Variants in NXPE2 observed in about 807,000 individuals in gnomAD.
NXPE2 encodes NXPE family member 2.
NXPE2 carries 34 observed loss-of-function variants against 34.4 expected under a neutral mutation model. The observed-to-expected ratio is 0.99, with a 90% CI of 0.75 to 1.31. NXPE2 has a LOEUF of 1.31. NXPE2 is among the 40% of genes most tolerant of loss of function. NXPE2 has a pLI of 0.00. For missense variants in NXPE2, 649 were observed against 672.5 expected (o/e 0.97, Z 0.39); for synonymous variants, 235 against 231.3 (o/e 1.02, Z -0.15).
At chr11:114,464,863 A>C in the NXPE2 span, among the ~76,000 whole-genome samples, 1 of 152,196 alleles carries the variant, frequency 6.6e-6, no homozygotes, top group Admixed American at 6.5e-5. Context: ...AAAACGAAAA[A>C]AGAAATCCAA....
At chr11:114,725,018 G>A in the NXPE2 span, among the ~76,000 whole-genome samples, 2 of 151,480 alleles carry the variant, frequency 1.3e-5, no homozygotes, top group Non-Finnish European at 1.5e-5. Flanking sequence ...GAACCCAGGA[G>A]CAGCAGCGTT....
At chr11:114,576,928 G>T in the NXPE2 span, among the ~76,000 whole-genome samples, 1 of 147,612 alleles carries the variant, frequency 6.8e-6, no homozygotes, top group Admixed American at 6.8e-5. Flanking sequence ...CAAAAATAAG[G>T]AACCAGCCCA....
At chr11:114,730,367 C>T in the NXPE2 span, among the ~76,000 whole-genome samples, 179 of 152,040 alleles carry the variant, frequency 1.2e-3, no homozygotes, top group African/African-American at 4.0e-3. Flanking sequence ...TCTTTAGGAT[C>T]GCTTTGGCTA....
the NXPE2 span, among the ~76,000 whole-genome samples, chr11:114,717,397 G>C: frequency 6.6e-6 from 1 of 152,140 alleles, no homozygotes; most frequent in Non-Finnish European, 1.5e-5. Flanking sequence ...CGTGGAAATG[G>C]GAATAGATGC....
the NXPE2 span, among the ~76,000 whole-genome samples, chr11:114,563,455 T>C: frequency 5.3e-5 from 8 of 152,148 alleles, no homozygotes; most frequent in Non-Finnish European, 1.0e-4. Context: ...GACGCTTATC[T>C]CTAAAGTTTG....
At chr11:114,465,026 T>G in the NXPE2 span, among the ~76,000 whole-genome samples, 3 of 152,152 alleles carry the variant, frequency 2.0e-5, no homozygotes, top group African/African-American at 7.2e-5. Flanking sequence ...TTGGCAAATA[T>G]AAAGTGTGAT....
chr11:114,583,964 G>C, the NXPE2 span: 1 of 383,684 alleles, frequency 2.6e-6, no homozygotes, highest in South Asian at 2.2e-5. Flanking sequence ...TGAGTCCTAT[G>C]AGGCCATTTT....
intron 2 of NXPE2, among the ~76,000 whole-genome samples, chr11:114,697,446 C>T (rs961064440): frequency 7.9e-5 from 12 of 152,168 alleles, no homozygotes; most frequent in Admixed American, 3.9e-4. Context: ...CCTTGATCTC[C>T]GACTTCTGGC....
chr11:114,758,883 C>T, the NXPE2 span, among the ~76,000 whole-genome samples: 1 of 148,676 alleles, frequency 6.7e-6, no homozygotes, highest in African/African-American at 2.5e-5. Context: ...AAAATATAAA[C>T]GTATATAAAT....
the NXPE2 span, among the ~76,000 whole-genome samples, chr11:114,666,115 T>G: frequency 3.3e-5 from 5 of 152,128 alleles, no homozygotes; most frequent in Non-Finnish European, 7.4e-5. Context: ...ACTCTCCACA[T>G]CTTTAGACAG....
the NXPE2 span, among the ~76,000 whole-genome samples, chr11:114,544,343 C>G: frequency 6.6e-6 from 1 of 152,100 alleles, no homozygotes; most frequent in Non-Finnish European, 1.5e-5. Flanking sequence ...ACAAAGCTGC[C>G]GTTATCAAGA....
In NXPE2 at chr11:114,704,347, G is replaced by A. The variant is rs190898667; in HGVS notation, c.928+295G>A. On this transcript the variant is annotated intron_variant, in intron 4 of 5. Transcript: ENST00000389586. ...ATTTAAATTTAGATTTATTCCTCCA[G>A]AGCCAATGATCAGGTGCTGGTGCTA... Among the ~76,000 whole-genome samples, 302 of 152,280 alleles carry A rather than the reference G, an allele frequency of 2.0e-3. 2 individuals carry two copies. The highest frequency in any genetic ancestry group is 6.0e-3 in the African/African-American group (248 of 41,566).
chr11:114,595,268 C>T, the NXPE2 span, among the ~76,000 whole-genome samples: 3 of 152,038 alleles, frequency 2.0e-5, no homozygotes, highest in Non-Finnish European at 4.4e-5. Context: ...TTCTAGCACC[C>T]CCTCAAGCTT....
the NXPE2 span, among the ~76,000 whole-genome samples, chr11:114,647,796 G>A: frequency 6.6e-6 from 1 of 151,792 alleles, no homozygotes; most frequent in Non-Finnish European, 1.5e-5. Flanking sequence ...CTTCCCCCTG[G>A]GTTTAAGCGA....
chr11:114,790,361 C>T, the NXPE2 span, among the ~76,000 whole-genome samples: 13 of 152,262 alleles, frequency 8.5e-5, 1 homozygote, highest in South Asian at 4.1e-4. Flanking sequence ...TTTGGGAAGA[C>T]GCACACTATA....
At chr11:114,739,314 T>C in the NXPE2 span, among the ~76,000 whole-genome samples, 2 of 51,416 alleles carry the variant, frequency 3.9e-5, no homozygotes, top group Admixed American at 2.4e-4. Flanking sequence ...CTTCCTTCCT[T>C]CCTTCCTTCC....
At chr11:114,752,146 A>T in the NXPE2 span, among the ~76,000 whole-genome samples, 1 of 152,248 alleles carries the variant, frequency 6.6e-6, no homozygotes, top group African/African-American at 2.4e-5. Context: ...TAAGGAAAAG[A>T]ACCATGTGGA....
chr11:114,497,583 T>A, the NXPE2 span, among the ~76,000 whole-genome samples: 4 of 152,232 alleles, frequency 2.6e-5, no homozygotes, highest in African/African-American at 9.6e-5. Flanking sequence ...CTGTACAGGT[T>A]TGTAGCCTAG....
At chr11:114,633,776 C>T in the NXPE2 span, among the ~76,000 whole-genome samples, 1 of 151,874 alleles carries the variant, frequency 6.6e-6, no homozygotes, top group Non-Finnish European at 1.5e-5. Context: ...CATCCATGTC[C>T]CTAGAAAGGA....
Sources: gnomAD v4.1 joint callset for allele counts (sites outside exome capture counted in the v4.1 genomes callset) on GRCh38, gnomAD v4.1.1 for gene constraint, MANE v1.5 for transcripts, NCBI Gene and HGNC (gene_info 2026-07-23, HGNC 2026-07-21) for gene names.